COG3: variants seen among roughly 807,000 people sequenced by gnomAD.
COG3 encodes component of oligomeric golgi complex 3, also known as conserved oligomeric Golgi complex subunit 3.
COG3 carries 32 observed loss-of-function variants against 114.1 expected under a neutral mutation model. The ratio of observed to expected loss-of-function variants is 0.28; its 90% confidence interval spans 0.21 to 0.38. The LOEUF (loss-of-function observed/expected upper bound fraction) is 0.38. COG3 is among the 10% of genes least tolerant of loss of function. The pLI is 1.00. For synonymous variants in COG3, 352 were observed against 365.7 expected, an observed-to-expected ratio of 0.96 and a Z score of 0.43; for missense variants, 813 against 973.2, an observed-to-expected ratio of 0.84 and a Z score of 2.19.
chr13:45,524,786 C>G (rs775592176), intron 19 of COG3, among the ~76,000 whole-genome samples, 190 bp from the exon 20 acceptor site: 5 of 151,728 alleles, frequency 3.3e-5, no homozygotes, highest in Non-Finnish European at 7.4e-5. Flanking sequence ...TTACTAAAAA[C>G]GTTGATTACT....
chr13:45,511,704 T>TA (rs1344347804), intron 15 of COG3, 61 bp from the exon 16 acceptor site: 2 of 1,247,254 alleles, frequency 1.6e-6, no homozygotes, highest in Non-Finnish European at 2.4e-6. Context: ...CAGCCTAGGA[T>TA]ATTCCTTTTT....
At chr13:45,481,423 C>T in intron 5 of COG3, 119 bp downstream of exon 5, 1 of 624,370 alleles carries the variant, frequency 1.6e-6, no homozygotes, top group East Asian at 2.9e-5. Context: ...AGCTTGCTTG[C>T]TGATAGATAT....
intron 19 of COG3, 110 bp downstream of exon 19, chr13:45,519,204 T>G: frequency 1.7e-6 from 2 of 1,151,202 alleles, no homozygotes; most frequent in Non-Finnish European, 2.5e-6. Flanking sequence ...TAAGCCCAAG[T>G]CTTAATGATT....
At chr13:45,496,073 A>G in intron 12 of COG3, 79 bp from the exon 13 acceptor site, 1 of 1,440,770 alleles carries the variant, frequency 6.9e-7, no homozygotes, top group South Asian at 1.3e-5. Flanking sequence ...TTTCTGAACA[A>G]TTTAGTAACA....
chr13:45,493,209 C>A, intron 11 of COG3, 138 bp from the exon 12 acceptor site: 1 of 637,758 alleles, frequency 1.6e-6, no homozygotes, highest in Non-Finnish European at 2.6e-6. Flanking sequence ...CCTTATCATT[C>A]TATAATGTCC....
At chr13:45,500,004 T>C (rs1190461042) in intron 13 of COG3, among the ~76,000 whole-genome samples, 1 of 149,308 alleles carries the variant, frequency 6.7e-6, no homozygotes, top group African/African-American at 2.5e-5. Flanking sequence ...GGTCACAGAG[T>C]GAGACACTGC....
chr13:45,492,103 A>G (rs901706051), intron 10 of COG3, 56 bp from the exon 11 acceptor site: 2 of 1,032,766 alleles, frequency 1.9e-6, no homozygotes, highest in African/African-American at 3.2e-5. Context: ...TATTTCATAA[A>G]CATCAGAAAT....
intron 15 of COG3, among the ~76,000 whole-genome samples, chr13:45,510,507 T>C (rs1473174543): frequency 2.0e-5 from 3 of 152,208 alleles, no homozygotes; most frequent in African/African-American, 7.2e-5. Flanking sequence ...ATAATGATAT[T>C]AGGCTGAGAT....
chr13:45,508,647 C>T (rs1870509983), intron 14 of COG3, among the ~76,000 whole-genome samples: 1 of 152,090 alleles, frequency 6.6e-6, no homozygotes, highest in Non-Finnish European at 1.5e-5. Context: ...ATGCCTAGTC[C>T]ATCTTTCAAT....
intron 15 of COG3, among the ~76,000 whole-genome samples, chr13:45,511,421 A>G (rs896781178): frequency 6.6e-6 from 1 of 152,182 alleles, no homozygotes; most frequent in African/African-American, 2.4e-5. Flanking sequence ...GGTTTTAGAG[A>G]TTTAAAAAAG....
At position 45,482,819 on chromosome 13, in the gene COG3, T is replaced by C. The variant is rs1339317617; in HGVS notation, c.717+346T>C. 3.3e-5 allele frequency among the ~76,000 whole-genome samples: 5 copies of C among 152,180 alleles called. No individual in the cohort carries two copies. The East Asian group carries it at 9.6e-4, about 29-fold the overall frequency. ...GTGTCTTGACATGCCCGGTATTTCT[T>C]TGGAAACAGAAAGTGTTACTTGGGG... On this transcript the variant is annotated intron_variant, in intron 6 of 22. Transcript: ENST00000349995.
At chr13:45,509,249 A>G (rs1870587361) in intron 14 of COG3, among the ~76,000 whole-genome samples, 1 of 152,210 alleles carries the variant, frequency 6.6e-6, no homozygotes, top group Non-Finnish European at 1.5e-5. Flanking sequence ...CACATTGGTC[A>G]GGATGGTCTT....
intron 14 of COG3, among the ~76,000 whole-genome samples, chr13:45,507,444 T>C (rs1488211042): frequency 6.6e-6 from 1 of 152,070 alleles, no homozygotes; most frequent in Non-Finnish European, 1.5e-5. Context: ...GTACTTGTTT[T>C]TGGAAAAAAA....
At chr13:45,530,610 A>G in intron 21 of COG3, 72 bp from the exon 22 acceptor site, 1 of 919,204 alleles carries the variant, frequency 1.1e-6, no homozygotes, top group Non-Finnish European at 1.8e-6. Context: ...AAATATCATT[A>G]CAATTTAACA....
chr13:45,525,079 C>CT, intron 20 of COG3, 28 bp downstream of exon 20: 1 of 1,590,226 alleles, frequency 6.3e-7, no homozygotes, highest in Non-Finnish European at 8.6e-7. Flanking sequence ...TTTTGGATTT[C>CT]TTTTTTAGGA....
At chr13:45,533,183 A>G (rs1306077921) in intron 22 of COG3, among the ~76,000 whole-genome samples, 1 of 151,540 alleles carries the variant, frequency 6.6e-6, no homozygotes, top group Non-Finnish European at 1.5e-5. Flanking sequence ...AGTTTAGTGG[A>G]TATGAATCCA....
At chr13:45,515,533 G>A (rs532858194) in intron 16 of COG3, among the ~76,000 whole-genome samples, 2 of 152,276 alleles carry the variant, frequency 1.3e-5, no homozygotes, top group South Asian at 2.1e-4. Context: ...GTTTGAGAAC[G>A]GAGTTTGAAT....
chr13:45,464,955 C>T lies in COG3; in HGVS notation c.-82C>T, dbSNP rs1885033224. 2.0e-6 allele frequency: 3 copies of T among 1,477,824 alleles called. No individual in the cohort carries two copies. Among genetic ancestry groups the T allele is most frequent in the South Asian group, 1.4e-5 (1 of 73,728 alleles). The allele number at this position is 1,477,824 out of a possible 1,614,324, so 91.5% of individuals were successfully genotyped here. ...GCCGCCGGTGCAGTGTTGGAAGCTC[C>T]GGTTCTCCCGGAAGTGGCCCAGGTC... On this transcript the variant is annotated 5_prime_UTR_variant, in exon 1 of 23. Transcript: ENST00000349995.
chr13:45,465,350 A>T, intron 1 of COG3, 140 bp downstream of exon 1: 1 of 1,344,724 alleles, frequency 7.4e-7, no homozygotes, highest in Non-Finnish European at 9.8e-7. Context: ...ATCCGGTGGG[A>T]GGGGCCTCAT....
Sources: allele counts gnomAD v4.1 joint callset (sites outside exome capture counted in the v4.1 genomes callset), GRCh38; gene constraint gnomAD v4.1.1; transcripts MANE v1.5; gene names NCBI Gene and HGNC (gene_info 2026-07-23, HGNC 2026-07-21).